Variants in FBLN1 observed in about 807,000 individuals in gnomAD.
FBLN1 encodes the protein fibulin-1.
A neutral mutation model predicts 89.7 loss-of-function variants in FBLN1; 34 were observed. That is an observed-to-expected ratio of 0.38 (90% CI 0.29 to 0.50). The LOEUF (loss-of-function observed/expected upper bound fraction) is 0.50, where lower values mean the gene tolerates loss of function less well. Ranked by LOEUF, FBLN1 falls within the 20% of genes least tolerant of loss-of-function variation. The pLI is 0.92. For missense variants in FBLN1, 777 were observed against 988.1 expected (o/e 0.79, Z 2.86); for synonymous variants, 393 against 391.3 (o/e 1.00, Z -0.05).
Position 45,600,671 on chromosome 22 carries a change from C to T in FBLN1, c.*225C>T. The stretch of plus-strand genomic sequence containing the variant: ...CAACTGTTTGGTTGAAAACCTTGCT[C>T]ATTTTTTAATGCGAAGGCTAAGTGT... On this transcript the variant is annotated 3_prime_UTR_variant, in exon 17 of 17. Coordinates refer to ENST00000327858, the MANE Select transcript of FBLN1 (RefSeq NM_006486.3). 1.7e-6 allele frequency: 1 copy of T among 598,018 alleles called. No homozygotes were observed. The highest frequency in any genetic ancestry group is 3.0e-6 in the Non-Finnish European group (1 of 333,034). The allele number at this position is 598,018 out of a possible 1,614,324, so 37.0% of individuals were successfully genotyped here.
At chr22:45,533,423 T>C (rs561770655) in intron 6 of FBLN1, among the ~76,000 whole-genome samples, 1 of 152,272 alleles carries the variant, frequency 6.6e-6, no homozygotes, top group Admixed American at 6.5e-5. Flanking sequence ...GGATCCAGGA[T>C]CTGCTGAGTG....
chr22:45,554,151 G>A (rs182037966), intron 14 of FBLN1, among the ~76,000 whole-genome samples: 1 of 152,364 alleles, frequency 6.6e-6, no homozygotes, highest in Admixed American at 6.5e-5. Context: ...TAGAGCGGGA[G>A]GACGATGGGA....
Position 45,550,508 on chromosome 22 carries a change from G to A in FBLN1, c.1590G>A (p.Val530=). The A allele has an allele frequency of 6.2e-7, 1 of 1,614,082 alleles. No homozygotes were observed. The highest frequency in any genetic ancestry group is 8.5e-7 in the Non-Finnish European group (1 of 1,180,048). Residue 530 remains valine (V), a synonymous_variant, in exon 14 of 17, where the codon GTG becomes GTA. Transcript: ENST00000327858. This position sits in a 1 kb window ranked among gnomAD's most constrained non-coding sequence, Gnocchi z 8.4. ...CTCTTGCAGACATTGATGAGTGTGTGACTGGCATCCACAACTGCTCCATCA... is the reference window on the plus strand; with the variant it reads ...CTCTTGCAGACATTGATGAGTGTGTAACTGGCATCCACAACTGCTCCATCA... ...GRNCQDIDEC[V]TGIHNCSINE...
Position 45,548,649 on chromosome 22 carries a change from T to G in FBLN1, c.1478T>G (p.Ile493Ser). ...TGCGCCCTGCCCACCGGGGGCCACA[T>G]CTGCTCCTACCGCTGCATCAACATC... is the stretch of plus-strand genomic sequence containing the variant. ...DECALPTGGH[I>S]CSYRCINIPG... The change falls in exon 13 of 17, where the codon ATC (isoleucine) becomes AGC (serine). Residue 493 changes from isoleucine to serine, a missense_variant. Transcript: ENST00000327858. 1.2e-6 allele frequency: 2 copies of G among 1,613,834 alleles called. No homozygotes were observed. Among genetic ancestry groups the G allele is most frequent in the Non-Finnish European group, 1.7e-6 (2 of 1,180,004 alleles).
At chr22:45,538,675 G>C (rs1305738917) in intron 8 of FBLN1, among the ~76,000 whole-genome samples, 3 of 152,138 alleles carry the variant, frequency 2.0e-5, no homozygotes, top group Admixed American at 6.5e-5. Flanking sequence ...GTCAGGTCCT[G>C]GTCCCCCAGC....
At position 45,577,160 on chromosome 22, in the gene FBLN1, C is replaced by T. The variant is rs747088681; in HGVS notation, c.1972+52C>T. On this transcript the variant is annotated intron_variant, in intron 16 of 16. Coordinates refer to ENST00000327858, the MANE Select transcript of FBLN1 (RefSeq NM_006486.3). The surrounding 1 kb of genome is among the most constrained non-coding windows in gnomAD (Gnocchi z 6.6). ...TCCAGGCACCCCTCCCCCTCCACCC[C>T]GAAACCCTCTCTGGCCCAGCCCAAC... is the stretch of plus-strand genomic sequence containing the variant. 1.2e-5 allele frequency: 20 copies of T among 1,605,018 alleles called. No homozygotes were observed. Among genetic ancestry groups the T allele is most frequent in the South Asian group, 3.3e-5 (3 of 90,796 alleles).
intron 14 of FBLN1, among the ~76,000 whole-genome samples, chr22:45,553,396 G>A (rs576746329): frequency 2.0e-5 from 3 of 152,294 alleles, no homozygotes; most frequent in Non-Finnish European, 4.4e-5. Flanking sequence ...AGGGGGGGAC[G>A]GGGCGGGCTC....
chr22:45,534,581 A>G (rs1255913074), intron 7 of FBLN1, among the ~76,000 whole-genome samples: 2 of 152,206 alleles, frequency 1.3e-5, no homozygotes, highest in Admixed American at 6.5e-5. Flanking sequence ...CACTCACTGT[A>G]TCATGAGAGT....
chr22:45,551,321 G>C (rs2088698417), intron 14 of FBLN1, among the ~76,000 whole-genome samples: 1 of 152,246 alleles, frequency 6.6e-6, no homozygotes, highest in African/African-American at 2.4e-5. Context: ...CTGTGGACTT[G>C]TGACCTCTCC....
intron 1 of FBLN1, among the ~76,000 whole-genome samples, chr22:45,505,988 C>T (rs907660605): frequency 3.4e-4 from 51 of 152,196 alleles, no homozygotes; most frequent in Middle Eastern, 3.2e-3. Context: ...AGGCTAGTCT[C>T]GAACTCCTGA....
chr22:45,515,968 A>G (rs1041756705), intron 1 of FBLN1, among the ~76,000 whole-genome samples: 3 of 152,224 alleles, frequency 2.0e-5, no homozygotes, highest in Admixed American at 6.5e-5. Flanking sequence ...TGTCGGGGGT[A>G]TACAAGGACA....
At chr22:45,571,457 T>C (rs1241202170) in intron 14 of FBLN1, among the ~76,000 whole-genome samples, 2 of 152,222 alleles carry the variant, frequency 1.3e-5, no homozygotes, top group Non-Finnish European at 2.9e-5. Flanking sequence ...TCAGACAATG[T>C]AGACATAGCA....
chr22:45,548,071 A>G (rs2088654391), intron 12 of FBLN1, among the ~76,000 whole-genome samples: 1 of 152,066 alleles, frequency 6.6e-6, no homozygotes, highest in Non-Finnish European at 1.5e-5. Context: ...TGTTTTTGAG[A>G]CAGAGACAGC....
rs1247032780 is a variant in FBLN1 at position 45,563,878 on chromosome 22, G to A, written c.1698-10633G>A. Among the ~76,000 whole-genome samples the A allele has an allele frequency of 6.6e-6, 1 of 152,212 alleles. No individual in the cohort carries two copies. The highest frequency in any genetic ancestry group is 1.9e-4 in the East Asian group (1 of 5,190). On this transcript the variant is annotated intron_variant, in intron 14 of 16. Transcript: ENST00000327858. This position sits in a 1 kb window ranked among gnomAD's most constrained non-coding sequence, Gnocchi z 5.7. ...TTGTCTTGATCAGAAGCCCAAATCT[G>A]TGGTGCAGAAACACGGGATGCGGTT... is the stretch of plus-strand genomic sequence containing the variant.
At position 45,503,087 on chromosome 22, in the gene FBLN1, G is replaced by A. The variant is rs1249899346; in HGVS notation, c.79+23G>A. On this transcript the variant is annotated intron_variant, in intron 1 of 16. Transcript: ENST00000327858. The stretch of plus-strand genomic sequence containing the variant: ...GAGGTAGGGGCGTCCCGGGTCCGCC[G>A]CCCCAGCTTAGGGTCCCGACCCCCT... 2.4e-6 allele frequency: 3 copies of A among 1,227,860 alleles called. No homozygotes were observed. The East Asian group carries it at 9.8e-5, about 40-fold the overall frequency. 76.1% of individuals were successfully genotyped at this position (1,227,860 alleles called of 1,614,324 possible). A position where few individuals can be genotyped will look rare whatever the true frequency, so the allele number is the denominator to read the frequency against.
At position 45,557,112 on chromosome 22, in the gene FBLN1, C is replaced by T. The variant is rs908582618; in HGVS notation, c.1697+6497C>T. Among the ~76,000 whole-genome samples the T allele has an allele frequency of 1.4e-4, 22 of 152,152 alleles. No homozygotes were observed. The highest frequency in any genetic ancestry group is 5.9e-5 in the Non-Finnish European group (4 of 68,042). On this transcript the variant is annotated intron_variant, in intron 14 of 16. Coordinates refer to ENST00000327858, the MANE Select transcript of FBLN1 (RefSeq NM_006486.3). This position sits in a 1 kb window ranked among gnomAD's most constrained non-coding sequence, Gnocchi z 4.9. The stretch of plus-strand genomic sequence containing the variant: ...TCCTATCAATCTACCTGCTTCACGA[C>T]GATGGGGAACATGGTAAAACCAGTG...
chr22:45,531,885 G>A lies in FBLN1; in HGVS notation c.544+561G>A, dbSNP rs967578004. On this transcript the variant is annotated intron_variant, in intron 5 of 16. Transcript: ENST00000327858. This position sits in a 1 kb window ranked among gnomAD's most constrained non-coding sequence, Gnocchi z 4.9. ...CCTCCCTCAGGCTCTCAGGGGAGAG[G>A]AGGGGGCTCAGCGTTCCCTGCCTTT... Among the ~76,000 whole-genome samples the A allele has an allele frequency of 3.9e-5, 6 of 152,250 alleles. No individual in the cohort carries two copies. The highest frequency in any genetic ancestry group is 5.9e-5 in the Non-Finnish European group (4 of 68,042).
rs966024854 is a variant in FBLN1 at position 45,537,167 on chromosome 22, C to T, written c.922+1830C>T. ...CTCCCCACCTGGGGTGGCCCCATCA[C>T]CTCTCCCCTGCCATGAGCAAGGGGG... is the stretch of plus-strand genomic sequence containing the variant. On this transcript the variant is annotated intron_variant, in intron 8 of 16. Transcript: ENST00000327858. This position sits in a 1 kb window ranked among gnomAD's most constrained non-coding sequence, Gnocchi z 5.7. Among the ~76,000 whole-genome samples, 3 of 152,230 alleles carry T rather than the reference C, an allele frequency of 2.0e-5. No homozygotes were observed. The highest frequency in any genetic ancestry group is 4.4e-5 in the Non-Finnish European group (3 of 68,046).
chr22:45,525,786 C>T, intron 3 of FBLN1, 108 bp downstream of exon 3: 1 of 1,439,080 alleles, frequency 6.9e-7, no homozygotes, highest in Non-Finnish European at 9.6e-7. Flanking sequence ...CCTCAGGCCA[C>T]CTTTCTTTGT....
Sources: gnomAD v4.1 joint callset for allele counts (sites outside exome capture counted in the v4.1 genomes callset) on GRCh38, gnomAD v4.1.1 for gene constraint, Gnocchi (gnomAD v3.1) non-coding constraint, MANE v1.5 for transcripts, NCBI Gene and HGNC (gene_info 2026-07-23, HGNC 2026-07-21) for gene names.